The following CAMKV variants were observed in gnomAD, a reference collection of about 807,000 sequenced individuals.
CAMKV encodes caM kinase-like vesicle-associated protein.
In CAMKV, 5 loss-of-function variants were observed where a neutral mutation model predicts 50.2. That is an observed-to-expected ratio of 0.10 (90% CI 0.05 to 0.21). The LOEUF is 0.21. CAMKV is among the 10% of genes least tolerant of loss of function. CAMKV has a pLI of 1.00. For synonymous variants in CAMKV, 229 were observed against 250.1 expected, an observed-to-expected ratio of 0.92 and a Z score of 0.80; for missense variants, 361 against 650.5, an observed-to-expected ratio of 0.55 and a Z score of 4.84.
chr3:49,864,768 C>CT (rs1395834554), intron 1 of CAMKV, among the ~76,000 whole-genome samples: 2 of 152,204 alleles, frequency 1.3e-5, no homozygotes. Flanking sequence ...GAGCTAGGGC[C>CT]TGGGGGTACC....
rs762972783 is a variant in CAMKV, at chr3:49,861,144, C to T, written c.562+36G>A. ...GAGCAGCTCCCTGAAGGCTGCCCCC[C>T]ATTATCCCCCTGCCCCTGCCCCACC... On this transcript the variant is annotated intron_variant, in intron 6 of 10. Coordinates refer to ENST00000477224, the MANE Select transcript of CAMKV (RefSeq NM_024046.5). This position sits in a 1 kb window ranked among gnomAD's most constrained non-coding sequence, Gnocchi z 7.7. The T allele has an allele frequency of 6.9e-6, 11 of 1,585,782 alleles. No individual in the cohort carries two copies. The Admixed American group carries it at 1.6e-4, about 23-fold the overall frequency.
chr3:49,861,423 C>G lies in CAMKV; in HGVS notation c.441+16G>C, dbSNP rs781682429. Reference sequence around the variant, plus strand: ...CCAGCTGCCAACTGGCCCTTTGACTCTGGCTCTGCCCTCACCTTGAGATTC... The same window carrying G: ...CCAGCTGCCAACTGGCCCTTTGACTGTGGCTCTGCCCTCACCTTGAGATTC... On this transcript the variant is annotated intron_variant, in intron 5 of 10. Transcript: ENST00000477224. This position sits in a 1 kb window ranked among gnomAD's most constrained non-coding sequence, Gnocchi z 7.7. The G allele has an allele frequency of 1.2e-5, 20 of 1,613,998 alleles. No individual in the cohort carries two copies. Among genetic ancestry groups the G allele is most frequent in the Non-Finnish European group, 1.7e-5 (20 of 1,179,990 alleles).
In CAMKV at chr3:49,864,514, A is replaced by G. The variant is rs184214179; in HGVS notation, c.-14-2112T>C. On this transcript the variant is annotated intron_variant, in intron 1 of 10. Coordinates refer to ENST00000477224, the MANE Select transcript of CAMKV (RefSeq NM_024046.5). ...CAGCCCAATCCTCATCTGTAGTGCT[A>G]GGGGGGCTGACTCCAGTGTCCAAAG... 3.1e-3 allele frequency among the ~76,000 whole-genome samples: 474 copies of G among 152,094 alleles called. 3 individuals carry two copies. The highest frequency in any genetic ancestry group is 0.011 in the African/African-American group (463 of 41,486).
chr3:49,859,777 C>T lies in CAMKV; in HGVS notation c.1047G>A (p.Gly349=). ...SASATDTATP[G]AAGGATAAAA... ...CTGCAGCTGTGGCCCCACCTGCAGC[C>T]CCGGGGGTGGCAGTGTCTGTGGCTG... The change falls in exon 11 of 11, where the codon GGG becomes GGA. Residue 349 remains glycine (G), a synonymous_variant. Transcript: ENST00000477224. This position sits in a 1 kb window ranked among gnomAD's most constrained non-coding sequence, Gnocchi z 5.5. The T allele has an allele frequency of 6.4e-7, 1 of 1,558,150 alleles. No homozygotes were observed. Among genetic ancestry groups the T allele is most frequent in the Non-Finnish European group, 8.7e-7 (1 of 1,153,502 alleles).
Position 49,861,148 on chromosome 3 carries a change from A to G in CAMKV, c.562+32T>C, listed in dbSNP as rs376794247. 1.1e-5 allele frequency: 18 copies of G among 1,585,106 alleles called. No homozygotes were observed. The highest frequency in any genetic ancestry group is 1.4e-5 in the Non-Finnish European group (16 of 1,165,600). On this transcript the variant is annotated intron_variant, in intron 6 of 10. Coordinates refer to ENST00000477224, the MANE Select transcript of CAMKV (RefSeq NM_024046.5). The surrounding 1 kb of genome is among the most constrained non-coding windows in gnomAD (Gnocchi z 7.7). Reference sequence around the variant, plus strand: ...AGCTCCCTGAAGGCTGCCCCCCATTATCCCCCTGCCCCTGCCCCACCCCCT... The same window carrying G: ...AGCTCCCTGAAGGCTGCCCCCCATTGTCCCCCTGCCCCTGCCCCACCCCCT...
Position 49,861,067 on chromosome 3 carries a change from C to G in CAMKV, c.563-49G>C. The G allele has an allele frequency of 6.2e-7, 1 of 1,611,422 alleles. No individual in the cohort carries two copies. Among genetic ancestry groups the G allele is most frequent in the Non-Finnish European group, 8.5e-7 (1 of 1,178,572 alleles). On this transcript the variant is annotated intron_variant, in intron 6 of 10. Transcript: ENST00000477224. This position sits in a 1 kb window ranked among gnomAD's most constrained non-coding sequence, Gnocchi z 7.7. ...TGGTCAGTATCAGGCCTAGCCAGGTCCAGTACCATCCACACCAGCTTCCTG... is the reference window on the plus strand; with the variant it reads ...TGGTCAGTATCAGGCCTAGCCAGGTGCAGTACCATCCACACCAGCTTCCTG...
At position 49,858,194 on chromosome 3, in the gene CAMKV, G is replaced by C; in HGVS notation, c.*1124C>G. The C allele has an allele frequency of 2.5e-6, 1 of 398,160 alleles. No homozygotes were observed. Among genetic ancestry groups the C allele is most frequent in the Non-Finnish European group, 4.4e-6 (1 of 225,942 alleles). The allele number at this position is 398,160 out of a possible 1,614,324, so 24.7% of individuals were successfully genotyped here. A position where few individuals can be genotyped will look rare whatever the true frequency, so the allele number is the denominator to read the frequency against. On this transcript the variant is annotated 3_prime_UTR_variant, in exon 11 of 11. Coordinates refer to ENST00000477224, the MANE Select transcript of CAMKV (RefSeq NM_024046.5). ...GGCACCTGTCAGGAGCCTCCCTCAG[G>C]AAACTGGGGAGTTTAACCCTACTTC...
chr3:49,860,084 G>A lies in CAMKV; in HGVS notation c.942+87C>T. ...GATGGCCTGAGAAAAGCTTGTGTGT[G>A]GCTGCAGGGGTGTGATGCAGGCAAG... On this transcript the variant is annotated intron_variant, in intron 10 of 10. Coordinates refer to ENST00000477224, the MANE Select transcript of CAMKV (RefSeq NM_024046.5). The surrounding 1 kb of genome is among the most constrained non-coding windows in gnomAD (Gnocchi z 6.1). 7.9e-7 allele frequency: 1 copy of A among 1,258,040 alleles called. No individual in the cohort carries two copies. The highest frequency in any genetic ancestry group is 1.2e-5 in the South Asian group (1 of 82,046). The allele number at this position is 1,258,040 out of a possible 1,614,324, so 77.9% of individuals were successfully genotyped here. A position where few individuals can be genotyped will look rare whatever the true frequency, so the allele number is the denominator to read the frequency against.
chr3:49,863,156 TAGTATG>T (rs1360888209), intron 1 of CAMKV, among the ~76,000 whole-genome samples: 1 of 152,142 alleles, frequency 6.6e-6, no homozygotes, highest in Non-Finnish European at 1.5e-5. Context: ...AGAATACATA[TAGTATG>T]AGTCTATTGA....
chr3:49,866,437 C>T (rs1189835272), intron 1 of CAMKV, among the ~76,000 whole-genome samples: 1 of 152,244 alleles, frequency 6.6e-6, no homozygotes, highest in African/African-American at 2.4e-5. Flanking sequence ...CTCCTCTCAG[C>T]AACACAGGAT....
chr3:49,862,486 T>A lies in CAMKV; in HGVS notation c.-14-84A>T. The A allele has an allele frequency of 1.6e-6, 2 of 1,212,540 alleles. No individual in the cohort carries two copies. The highest frequency in any genetic ancestry group is 1.2e-5 in the South Asian group (1 of 82,500). 75.1% of individuals were successfully genotyped at this position (1,212,540 alleles called of 1,614,324 possible). ...GGGCTGCTTTTGGGAGACCCCAACCTGGCTCAGGCCAAGCTAGGGGCAGAG... is the reference window on the plus strand; with the variant it reads ...GGGCTGCTTTTGGGAGACCCCAACCAGGCTCAGGCCAAGCTAGGGGCAGAG... On this transcript the variant is annotated intron_variant, in intron 1 of 10. Coordinates refer to ENST00000477224, the MANE Select transcript of CAMKV (RefSeq NM_024046.5). The surrounding 1 kb of genome is among the most constrained non-coding windows in gnomAD (Gnocchi z 5.2).
Position 49,859,183 on chromosome 3 carries a change from G to T in CAMKV, c.*135C>A. 1 of 802,860 alleles carries T rather than the reference G, an allele frequency of 1.2e-6. No homozygotes were observed. The highest frequency in any genetic ancestry group is 1.9e-6 in the Non-Finnish European group (1 of 513,550). The allele number at this position is 802,860 out of a possible 1,614,324, so 49.7% of individuals were successfully genotyped here. On this transcript the variant is annotated 3_prime_UTR_variant, in exon 11 of 11. Coordinates refer to ENST00000477224, the MANE Select transcript of CAMKV (RefSeq NM_024046.5). This position sits in a 1 kb window ranked among gnomAD's most constrained non-coding sequence, Gnocchi z 5.5. ...CGAGACTGCTCTCCCGTGACCCCTAGTTATGCCCCACTGGGATGTGGGGGC... is the reference window on the plus strand; with the variant it reads ...CGAGACTGCTCTCCCGTGACCCCTATTTATGCCCCACTGGGATGTGGGGGC...
chr3:49,867,545 G>A (rs1330042739), intron 1 of CAMKV, among the ~76,000 whole-genome samples: 2 of 152,224 alleles, frequency 1.3e-5, no homozygotes, highest in Non-Finnish European at 2.9e-5. Flanking sequence ...CCTGTGGGTG[G>A]AGGAGGGGAA....
intron 1 of CAMKV, chr3:49,863,425 G>A (rs1042593083): frequency 9.3e-5 from 14 of 150,820 alleles, no homozygotes; most frequent in African/African-American, 2.9e-4. Flanking sequence ...GGCTATTCAT[G>A]GGCACAAGCC....
intron 1 of CAMKV, among the ~76,000 whole-genome samples, chr3:49,865,841 C>T (rs1468189919): frequency 6.6e-6 from 1 of 152,248 alleles, no homozygotes; most frequent in African/African-American, 2.4e-5. Flanking sequence ...CAGCTCCCAG[C>T]TTTGCCAGTG....
Position 49,869,199 on chromosome 3 carries a change from G to A in CAMKV, c.-15+559C>T, listed in dbSNP as rs2082087769. Among the ~76,000 whole-genome samples, 1 of 152,138 alleles carries A rather than the reference G, an allele frequency of 6.6e-6. No individual in the cohort carries two copies. On this transcript the variant is annotated intron_variant, in intron 1 of 10. Transcript: ENST00000477224. This position sits in a 1 kb window ranked among gnomAD's most constrained non-coding sequence, Gnocchi z 5.2. ...CGCCCCCACCCCCACCGTGCACGTG[G>A]GTCCATGCACTGGACCCCCAGCTGG...
Position 49,859,974 on chromosome 3 carries a change from C to T in CAMKV, c.943-93G>A, listed in dbSNP as rs937857755. 3.1e-5 allele frequency: 39 copies of T among 1,258,682 alleles called. No homozygotes were observed. Among genetic ancestry groups the T allele is most frequent in the African/African-American group, 2.8e-4 (19 of 66,740 alleles). 78.0% of individuals were successfully genotyped at this position (1,258,682 alleles called of 1,614,324 possible). A position where few individuals can be genotyped will look rare whatever the true frequency, so the allele number is the denominator to read the frequency against. ...AACCAAACTCCTTCCATAGTACCCC[C>T]GGCCACCTCCATCCACCCCAGGGCC... On this transcript the variant is annotated intron_variant, in intron 10 of 10. Coordinates refer to ENST00000477224, the MANE Select transcript of CAMKV (RefSeq NM_024046.5). This position sits in a 1 kb window ranked among gnomAD's most constrained non-coding sequence, Gnocchi z 5.5.
At position 49,860,899 on chromosome 3, in the gene CAMKV, C is replaced by A. The variant is rs1222429993; in HGVS notation, c.638+44G>T. 1 of 1,613,688 alleles carries A rather than the reference C, an allele frequency of 6.2e-7. No individual in the cohort carries two copies. The highest frequency in any genetic ancestry group is 8.5e-7 in the Non-Finnish European group (1 of 1,179,794). On this transcript the variant is annotated intron_variant, in intron 7 of 10. Transcript: ENST00000477224. This position sits in a 1 kb window ranked among gnomAD's most constrained non-coding sequence, Gnocchi z 6.1. ...CAGAAAGGCCACAGACACATGCCCC[C>A]ACCCCATCTGACTGCAAGCCTGCTT...
chr3:49,867,062 C>T (rs988388044), intron 1 of CAMKV, among the ~76,000 whole-genome samples: 3 of 152,232 alleles, frequency 2.0e-5, no homozygotes, highest in Non-Finnish European at 1.5e-5. Context: ...CTGTGAACAC[C>T]AGCCTGCAGG....
Sources: gnomAD v4.1 joint callset for allele counts (sites outside exome capture counted in the v4.1 genomes callset) on GRCh38, gnomAD v4.1.1 for gene constraint, Gnocchi (gnomAD v3.1) non-coding constraint, MANE v1.5 for transcripts, NCBI Gene and HGNC (gene_info 2026-07-23, HGNC 2026-07-21) for gene names.